NEK5: variants seen among roughly 807,000 people sequenced by gnomAD.
The protein encoded by NEK5 is serine/threonine-protein kinase Nek5.
In NEK5, 88 loss-of-function variants were observed where a neutral mutation model predicts 109.2. That is an observed-to-expected ratio of 0.81 (90% CI 0.68 to 0.96). The LOEUF (loss-of-function observed/expected upper bound fraction) is 0.96. NEK5 is among the 40% of genes least tolerant of loss of function. The probability of loss-of-function intolerance (pLI) is 0.00; values close to 1 mark genes in which losing one functional copy is unlikely to be tolerated. For synonymous variants in NEK5, 283 were observed against 299.9 expected, an observed-to-expected ratio of 0.94 and a Z score of 0.58; for missense variants, 834 against 920.7, an observed-to-expected ratio of 0.91 and a Z score of 1.22.
chr13:52,072,006 C>A lies in NEK5; in HGVS notation c.1787G>T (p.Cys596Phe). ...TGTATAATCTCCATGCTCCTTTACA[C>A]ATTCATATTCCTTAAACTTCATGCC... ...EDGMKFKEYE[C>F]VKEHGDYTDK... The change falls in exon 20 of 24, where the codon TGT (cysteine) becomes TTT (phenylalanine). Residue 596 changes from cysteine to phenylalanine, a missense_variant. Physicochemically the swap from Cys to Phe is radical, Grantham distance 205. Coordinates refer to ENST00000684899, the MANE Select transcript of NEK5 (RefSeq NM_001365552.1). 6.2e-7 allele frequency: 1 copy of A among 1,610,174 alleles called. No homozygotes were observed. Among genetic ancestry groups the A allele is most frequent in the Non-Finnish European group, 8.5e-7 (1 of 1,176,456 alleles).
At chr13:52,123,128 T>C (rs1956002010) in intron 3 of NEK5, among the ~76,000 whole-genome samples, 1 of 151,884 alleles carries the variant, frequency 6.6e-6, no homozygotes, top group African/African-American at 2.4e-5. Context: ...AGGGAGGCAT[T>C]AGAGAGAAGA....
chr13:52,119,952 A>G (rs1955936841), intron 3 of NEK5, among the ~76,000 whole-genome samples: 1 of 152,152 alleles, frequency 6.6e-6, no homozygotes. Context: ...TTTCACCTAT[A>G]GACAATACTT....
Position 52,099,895 on chromosome 13 carries a change from A to T in NEK5, c.893-19T>A. ...TTACACTCTTAATTAACCAAAATAAAACAGCTTCAATTTTTTAAAAATTGT... is the reference window on the plus strand; with the variant it reads ...TTACACTCTTAATTAACCAAAATAATACAGCTTCAATTTTTTAAAAATTGT... On this transcript the variant is annotated intron_variant, in intron 11 of 23. Transcript: ENST00000684899. 6 of 1,603,374 alleles carry T rather than the reference A, an allele frequency of 3.7e-6. No individual in the cohort carries two copies. The highest frequency in any genetic ancestry group is 5.1e-6 in the Non-Finnish European group (6 of 1,172,330).
intron 18 of NEK5, 112 bp from the exon 19 acceptor site, chr13:52,075,938 T>C (rs964993193): frequency 1.4e-5 from 13 of 911,368 alleles, no homozygotes; most frequent in Non-Finnish European, 2.2e-5. Flanking sequence ...ACCATTGGTC[T>C]CATATCACAA....
At chr13:52,044,837 G>A (rs1412719213) in intron 23 of NEK5, among the ~76,000 whole-genome samples, 3 of 152,212 alleles carry the variant, frequency 2.0e-5, no homozygotes, top group South Asian at 2.1e-4. Flanking sequence ...AGTATGAAAC[G>A]AAAAGAGGCC....
At position 52,102,271 on chromosome 13, in the gene NEK5, GC is replaced by G; in HGVS notation, c.630del (p.Gln210HisfsTer5). The G allele has an allele frequency of 6.2e-7, 1 of 1,614,016 alleles. No homozygotes were observed. The highest frequency in any genetic ancestry group is 8.5e-7 in the Non-Finnish European group (1 of 1,179,852). ...LKHPFEGNNL[Q>X]QLVLKICQAH... ...GCTTGACAAATCTTCAGAACCAGCT[GC>G]TGTAAGTTGTTACCCTCAAACTGAA... On this transcript the variant is annotated frameshift_variant, in exon 10 of 24. Transcript: ENST00000684899. LOFTEE classifies it high-confidence loss of function.
chr13:52,087,511 G>A, intron 14 of NEK5, 57 bp from the exon 15 acceptor site: 1 of 863,146 alleles, frequency 1.2e-6, no homozygotes, highest in Non-Finnish European at 1.9e-6. Context: ...AACATCTTCT[G>A]ATTTGACATT....
At chr13:52,063,418 C>G (rs910074917) in intron 21 of NEK5, among the ~76,000 whole-genome samples, 118 of 152,282 alleles carry the variant, frequency 7.7e-4, no homozygotes, top group Non-Finnish European at 1.3e-3. Flanking sequence ...GATCGCGGCT[C>G]GCTACAACCT....
chr13:52,082,361 G>T, intron 17 of NEK5: 1 of 1,190,666 alleles, frequency 8.4e-7, no homozygotes, highest in South Asian at 1.4e-5. Context: ...AAATCATTGA[G>T]AATCTTCTTA....
intron 22 of NEK5, among the ~76,000 whole-genome samples, chr13:52,057,659 A>G (rs1166118109): frequency 6.6e-6 from 1 of 152,230 alleles, no homozygotes; most frequent in African/African-American, 2.4e-5. Flanking sequence ...ACGCAAATCA[A>G]TAAATGTAAT....
chr13:52,071,855 G>A, intron 20 of NEK5, 89 bp downstream of exon 20: 1 of 1,142,824 alleles, frequency 8.8e-7, no homozygotes, highest in South Asian at 1.3e-5. Flanking sequence ...AGTAACAGTG[G>A]AGCCGAGGCA....
At chr13:52,102,505 T>C (rs538438129) in intron 9 of NEK5, among the ~76,000 whole-genome samples, 25 of 152,182 alleles carry the variant, frequency 1.6e-4, no homozygotes, top group African/African-American at 5.1e-4. Flanking sequence ...CTGGGAAACA[T>C]AGTTAGACCT....
At chr13:52,100,196 T>C (rs1425694124) in intron 11 of NEK5, among the ~76,000 whole-genome samples, 1 of 152,150 alleles carries the variant, frequency 6.6e-6, no homozygotes, top group African/African-American at 2.4e-5. Flanking sequence ...TTAAATTTGG[T>C]CATTAGAGCT....
chr13:52,117,052 G>A (rs1484145302), intron 4 of NEK5, among the ~76,000 whole-genome samples: 1 of 152,066 alleles, frequency 6.6e-6, no homozygotes, highest in South Asian at 2.1e-4. Flanking sequence ...CCAAGTAGCT[G>A]GGATTACAGG....
chr13:52,088,957 G>A (rs12584961), intron 14 of NEK5, among the ~76,000 whole-genome samples: 63,274 of 151,598 alleles, frequency 0.42, 15,098 homozygotes, highest in East Asian at 0.55. Flanking sequence ...TGGGCGTGGT[G>A]GTGGGCGCCT....
At chr13:52,080,085 G>T (rs1392445636) in intron 17 of NEK5, among the ~76,000 whole-genome samples, 1 of 151,790 alleles carries the variant, frequency 6.6e-6, no homozygotes, top group Non-Finnish European at 1.5e-5. Context: ...TCTGAGAAGT[G>T]AGGAGCCTAT....
chr13:52,117,034 T>C (rs950120114), intron 4 of NEK5, among the ~76,000 whole-genome samples: 1 of 152,222 alleles, frequency 6.6e-6, no homozygotes, highest in Middle Eastern at 3.4e-3. Context: ...TTCTCCTGCC[T>C]CAGCCTCCCA....
chr13:52,113,223 T>C (rs1955789496), intron 4 of NEK5, among the ~76,000 whole-genome samples: 1 of 152,148 alleles, frequency 6.6e-6, no homozygotes, highest in Admixed American at 6.6e-5. Flanking sequence ...AAATCCTTGC[T>C]CCACATTAAA....
chr13:52,099,751 C>G lies in NEK5; in HGVS notation c.1018G>C (p.Ala340Pro). 1 of 1,613,432 alleles carries G rather than the reference C, an allele frequency of 6.2e-7. No homozygotes were observed. ...GGTTTAGAATGACTTACAGATCTGG[C>G]CTTCTGGGCTCCAGCTGGTGGTCTC... Reference protein sequence around the residue: ...EWRPPAGAQKARSIKMIERPK... With the variant: ...EWRPPAGAQKPRSIKMIERPK... Residue 340 changes from alanine to proline, a missense_variant, in exon 12 of 24, where the codon GCC becomes CCC. Coordinates refer to ENST00000684899, the MANE Select transcript of NEK5 (RefSeq NM_001365552.1).
Sources: allele counts gnomAD v4.1 joint callset (sites outside exome capture counted in the v4.1 genomes callset), GRCh38; gene constraint gnomAD v4.1.1; transcripts MANE v1.5; gene names NCBI Gene and HGNC (gene_info 2026-07-23, HGNC 2026-07-21).